The following RBFOX1 variants were observed in gnomAD, a reference collection of about 807,000 sequenced individuals.
RBFOX1 encodes the protein RNA binding protein fox-1 homolog 1.
A neutral mutation model predicts 57.7 loss-of-function variants in RBFOX1; 8 were observed. That is an observed-to-expected ratio of 0.14 (90% CI 0.08 to 0.25). RBFOX1 has a LOEUF of 0.25. Ranked by LOEUF, RBFOX1 falls within the 10% of genes least tolerant of loss-of-function variation. The probability of loss-of-function intolerance (pLI) is 1.00; values close to 1 mark genes in which losing one functional copy is unlikely to be tolerated. For synonymous variants in RBFOX1, 326 were observed against 222.4 expected, an observed-to-expected ratio of 1.47 and a Z score of -4.15; for missense variants, 611 against 548.5, an observed-to-expected ratio of 1.11 and a Z score of -1.14.
At chr16:6,305,948 C>T (rs1441467093) in intron 1 of RBFOX1, among the ~76,000 whole-genome samples, 1 of 152,094 alleles carries the variant, frequency 6.6e-6, no homozygotes, top group Non-Finnish European at 1.5e-5. Flanking sequence ...AAGGAGCTGT[C>T]AGTGCAGGGT....
intron 3 of RBFOX1, among the ~76,000 whole-genome samples, chr16:5,685,386 C>A (rs1350160553): frequency 6.6e-6 from 1 of 152,156 alleles, no homozygotes; most frequent in Admixed American, 6.5e-5. Context: ...GATTCATCTT[C>A]CAAACAACAT....
intron 4 of RBFOX1, among the ~76,000 whole-genome samples, chr16:7,103,701 A>T (rs952073712): frequency 6.6e-6 from 1 of 152,194 alleles, no homozygotes; most frequent in Non-Finnish European, 1.5e-5. Context: ...CGTAAATAAT[A>T]ACGAATATGC....
At chr16:6,564,500 A>G (rs956855377) in intron 2 of RBFOX1, among the ~76,000 whole-genome samples, 2 of 152,126 alleles carry the variant, frequency 1.3e-5, no homozygotes, top group Admixed American at 6.6e-5. Flanking sequence ...AAACAAACAC[A>G]TGGGTAAACC....
intron 2 of RBFOX1, among the ~76,000 whole-genome samples, chr16:6,336,422 G>T (rs1410032546): frequency 1.3e-5 from 2 of 151,556 alleles, no homozygotes; most frequent in Non-Finnish European, 2.9e-5. Flanking sequence ...CAGTTGAAAT[G>T]GGGACCCTAT....
chr16:6,148,157 G>T (rs566431361), intron 1 of RBFOX1, among the ~76,000 whole-genome samples: 2 of 152,280 alleles, frequency 1.3e-5, no homozygotes, highest in Non-Finnish European at 2.9e-5. Context: ...GGTGAAACCC[G>T]TCTCTACTAA....
chr16:7,117,316 T>G (rs1308929238), intron 4 of RBFOX1, among the ~76,000 whole-genome samples: 1 of 152,166 alleles, frequency 6.6e-6, no homozygotes, highest in Non-Finnish European at 1.5e-5. Context: ...TTCAGAATAC[T>G]TTTGATTCGG....
intron 1 of RBFOX1, among the ~76,000 whole-genome samples, chr16:6,283,079 C>T (rs2076559225): frequency 2.0e-5 from 3 of 152,190 alleles, no homozygotes; most frequent in African/African-American, 7.2e-5. Context: ...GTAATCCCAG[C>T]CCTTGGGGAG....
chr16:5,495,905 C>A (rs2042986724), intron 2 of RBFOX1, among the ~76,000 whole-genome samples: 1 of 152,190 alleles, frequency 6.6e-6, no homozygotes, highest in Non-Finnish European at 1.5e-5. Flanking sequence ...GCGGGCAGAT[C>A]ACCTGAGGTC....
chr16:6,017,062 C>A (rs149872658), upstream of RBFOX1, among the ~76,000 whole-genome samples: 90 of 152,238 alleles, frequency 5.9e-4, no homozygotes, highest in East Asian at 0.014. Flanking sequence ...CAGACTCAAG[C>A]TGAACTTGAT....
intron 3 of RBFOX1, among the ~76,000 whole-genome samples, chr16:6,835,293 C>T (rs536074332): frequency 6.6e-6 from 1 of 152,226 alleles, no homozygotes; most frequent in African/African-American, 2.4e-5. Context: ...CTTTCTGCAT[C>T]TTTGTGAGTT....
At chr16:7,188,612 C>G (rs1003872294) in intron 4 of RBFOX1, among the ~76,000 whole-genome samples, 32 of 152,174 alleles carry the variant, frequency 2.1e-4, no homozygotes, top group African/African-American at 7.5e-4. Context: ...ATGCTGCAGA[C>G]TTTTCCAATA....
intron 1 of RBFOX1, among the ~76,000 whole-genome samples, chr16:5,454,744 T>TTTTTCTTTTCTTTCTTTCTTTCC (rs145711376): frequency 7.6e-5 from 9 of 118,654 alleles, no homozygotes; most frequent in Non-Finnish European, 3.5e-5. Flanking sequence ...TCTTTCTTTC[T>TTTTTCTTTTCTTTCTTTCTTTCC]TTTTCTTTTC....
intron 2 of RBFOX1, among the ~76,000 whole-genome samples, chr16:6,357,229 C>A (rs944498391): frequency 6.6e-6 from 1 of 152,054 alleles, no homozygotes; most frequent in African/African-American, 2.4e-5. Flanking sequence ...AATGAGCCTT[C>A]GTGCTAGAGT....
intron 2 of RBFOX1, among the ~76,000 whole-genome samples, chr16:5,584,428 C>T (rs1426595631): frequency 6.6e-6 from 1 of 152,172 alleles, no homozygotes; most frequent in African/African-American, 2.4e-5. Context: ...TGCCAGACTT[C>T]TTGATGTTCC....
At chr16:7,072,585 A>G (rs373361778) in intron 4 of RBFOX1, among the ~76,000 whole-genome samples, 3 of 152,374 alleles carry the variant, frequency 2.0e-5, no homozygotes, top group East Asian at 3.9e-4. Flanking sequence ...CACCAATAAC[A>G]TAATCTGGCT....
At chr16:7,554,259 T>C (rs537946805) in intron 5 of RBFOX1, among the ~76,000 whole-genome samples, 5 of 152,346 alleles carry the variant, frequency 3.3e-5, no homozygotes, top group Admixed American at 2.6e-4. Context: ...CACAGAAATA[T>C]TTAGTCATAG....
chr16:6,702,013 G>A (rs1207668251), intron 3 of RBFOX1, among the ~76,000 whole-genome samples: 1 of 152,074 alleles, frequency 6.6e-6, no homozygotes, highest in Non-Finnish European at 1.5e-5. Flanking sequence ...TTACCTGGGT[G>A]ACAAAATAAT....
intron 4 of RBFOX1, among the ~76,000 whole-genome samples, chr16:7,184,981 T>C (rs1049568073): frequency 6.6e-6 from 1 of 152,140 alleles, no homozygotes; most frequent in Non-Finnish European, 1.5e-5. Context: ...ACAGTAAACA[T>C]ACAATATGCA....
intron 1 of RBFOX1, among the ~76,000 whole-genome samples, chr16:5,392,062 A>C (rs955287060): frequency 1.3e-5 from 2 of 152,076 alleles, no homozygotes; most frequent in African/African-American, 4.8e-5. Flanking sequence ...ATTCTAACTC[A>C]TAAGTGGGAG....
Sources: gnomAD v4.1 joint callset for allele counts (sites outside exome capture counted in the v4.1 genomes callset) on GRCh38, gnomAD v4.1.1 for gene constraint, MANE v1.5 for transcripts, NCBI Gene and HGNC (gene_info 2026-07-23, HGNC 2026-07-21) for gene names.